FRMPD2: variants seen among roughly 807,000 people sequenced by gnomAD.
FRMPD2 encodes FERM and PDZ domain containing 2, also known as FERM and PDZ domain-containing protein 2.
In FRMPD2, 96 loss-of-function variants were observed where a neutral mutation model predicts 140.1. The ratio of observed to expected loss-of-function variants is 0.69; its 90% CI spans 0.58 to 0.81. The LOEUF is 0.81. Ranked by LOEUF, FRMPD2 falls within the 40% of genes least tolerant of loss-of-function variation. FRMPD2 has a pLI of 0.00. For synonymous variants in FRMPD2, 449 were observed against 547.6 expected (o/e 0.82, Z 2.52); for missense variants, 1,240 against 1,447.4 (o/e 0.86, Z 2.32).
At chr10:48,222,602 T>C in intron 11 of FRMPD2, 151 bp from the exon 12 acceptor site, 2 of 777,108 alleles carry the variant, frequency 2.6e-6, no homozygotes, top group Non-Finnish European at 4.1e-6. Flanking sequence ...GCAAGACAAG[T>C]GTGGTCTCCT....
At chr10:48,208,802 C>T (rs776839743) in intron 13 of FRMPD2, among the ~76,000 whole-genome samples, 4 of 152,302 alleles carry the variant, frequency 2.6e-5, no homozygotes, top group Middle Eastern at 3.4e-3. Flanking sequence ...GGCCATCTTA[C>T]TACAAGGCCT....
At position 48,252,860 on chromosome 10, in the gene FRMPD2, T is replaced by TCTATTTCTTTTCTTTTTTCTTTC. The variant is rs376244197; in HGVS notation, c.26-1192_26-1170dup. On this transcript the variant is annotated intron_variant, in intron 1 of 28. Transcript: ENST00000374201. Reference sequence around the variant, plus strand: ...CTCCAGGCCCTCTCTCTTTTTCTTTTCTATTTCTTTTCTTTTTTCTTTCCT... The same window carrying TCTATTTCTTTTCTTTTTTCTTTC: ...CTCCAGGCCCTCTCTCTTTTTCTTTTCTATTTCTTTTCTTTTTTCTTTCCTATTTCTTTTCTTTTTTCTTTCCT... Among the ~76,000 whole-genome samples, 994 of 152,276 alleles carry TCTATTTCTTTTCTTTTTTCTTTC rather than the reference T, an allele frequency of 6.5e-3. 10 individuals are homozygous for TCTATTTCTTTTCTTTTTTCTTTC. Among genetic ancestry groups the TCTATTTCTTTTCTTTTTTCTTTC allele is most frequent in the African/African-American group, 0.022 (922 of 41,508 alleles).
chr10:48,213,520 T>G (rs1839377808), intron 12 of FRMPD2, among the ~76,000 whole-genome samples: 1 of 152,236 alleles, frequency 6.6e-6, no homozygotes. Flanking sequence ...CACAAAAACC[T>G]GCACACAGAT....
At chr10:48,233,900 A>C (rs1360138282) in intron 9 of FRMPD2, among the ~76,000 whole-genome samples, 1 of 152,160 alleles carries the variant, frequency 6.6e-6, no homozygotes, top group Non-Finnish European at 1.5e-5. Context: ...CCATGCAGGC[A>C]CACGCACCCA....
At position 48,212,047 on chromosome 10, in the gene FRMPD2, C is replaced by T. The variant is rs1839336165; in HGVS notation, c.1518G>A (p.Arg506=). The T allele has an allele frequency of 2.5e-6, 4 of 1,614,128 alleles. No individual in the cohort carries two copies. The Admixed American group carries it at 5.0e-5, about 20-fold the overall frequency. ...EDYIPASLIE[R]MTALRVQVEV... ...CAACCTGGACCCGTAGAGCGGTCATCCTCTCGATCAGACTCGCTGGGATGT... is the reference window on the plus strand; with the variant it reads ...CAACCTGGACCCGTAGAGCGGTCATTCTCTCGATCAGACTCGCTGGGATGT... The change falls in exon 13 of 29, where the codon AGG becomes AGA. Residue 506 remains arginine, a synonymous_variant. Transcript: ENST00000374201.
chr10:48,266,641 T>A (rs79481152), intron 1 of FRMPD2, among the ~76,000 whole-genome samples: 1,664 of 152,344 alleles, frequency 0.011, 33 homozygotes, highest in African/African-American at 0.038. Context: ...GCCCAGACAT[T>A]ACACTCATCC....
intron 1 of FRMPD2, among the ~76,000 whole-genome samples, chr10:48,256,039 A>C (rs1379206865): frequency 1.3e-5 from 2 of 152,340 alleles, no homozygotes; most frequent in East Asian, 1.9e-4. Context: ...GAGCACGTGC[A>C]ACCCACACTG....
chr10:48,231,712 G>C (rs938888579), intron 10 of FRMPD2, among the ~76,000 whole-genome samples: 3 of 152,204 alleles, frequency 2.0e-5, no homozygotes, highest in African/African-American at 7.2e-5. Flanking sequence ...GTCAGAGAGG[G>C]AAGAGGGTAT....
At chr10:48,227,247 C>CTGTCTTCTG (rs1839744951) in intron 10 of FRMPD2, among the ~76,000 whole-genome samples, 1 of 152,126 alleles carries the variant, frequency 6.6e-6, no homozygotes, top group Non-Finnish European at 1.5e-5. Context: ...TTTTTAATCT[C>CTGTCTTCTG]TGTCTTCTGT....
intron 4 of FRMPD2, among the ~76,000 whole-genome samples, chr10:48,243,557 C>T (rs959121971): frequency 6.6e-6 from 1 of 152,194 alleles, no homozygotes; most frequent in African/African-American, 2.4e-5. Context: ...GTCACACACT[C>T]AGGACACACA....
rs150473115 is a variant in FRMPD2 at position 48,170,466 on chromosome 10, T to A, written c.3438+528A>T. On this transcript the variant is annotated intron_variant, in intron 26 of 28. Coordinates refer to ENST00000374201, the MANE Select transcript of FRMPD2 (RefSeq NM_001018071.4). ...TAGCCCTAGGCCACAACATGCTCCC[T>A]TGAGCTTCCTAACAACCTGCCCACA... 8.2e-3 allele frequency among the ~76,000 whole-genome samples: 1,252 copies of A among 152,246 alleles called. 14 individuals carry two copies. The highest frequency in any genetic ancestry group is 0.028 in the African/African-American group (1,163 of 41,532).
chr10:48,180,593 CCTT>C (rs1230602441), intron 21 of FRMPD2, among the ~76,000 whole-genome samples: 1 of 151,954 alleles, frequency 6.6e-6, no homozygotes, highest in African/African-American at 2.4e-5. Context: ...TAGAACTCTG[CCTT>C]CTTCTATGCG....
chr10:48,172,841 T>A (rs1588803522), intron 25 of FRMPD2, 105 bp downstream of exon 25: 1 of 840,270 alleles, frequency 1.2e-6, no homozygotes, highest in East Asian at 2.4e-5. Context: ...CGCTTTCTTT[T>A]CAGGACCCAG....
chr10:48,237,900 G>C (rs532205938), intron 8 of FRMPD2, 91 bp downstream of exon 8: 1 of 1,472,372 alleles, frequency 6.8e-7, no homozygotes, highest in South Asian at 1.1e-5. Flanking sequence ...TCCCCTAGAA[G>C]ACCCTGCCCA....
chr10:48,213,072 C>T (rs1839368669), intron 12 of FRMPD2, among the ~76,000 whole-genome samples: 2 of 152,146 alleles, frequency 1.3e-5, no homozygotes, highest in South Asian at 4.1e-4. Context: ...AGAATCTGGC[C>T]TCACTGGGGC....
intron 10 of FRMPD2, among the ~76,000 whole-genome samples, chr10:48,225,341 T>G (rs1365705858): frequency 6.6e-6 from 1 of 152,134 alleles, no homozygotes; most frequent in Non-Finnish European, 1.5e-5. Flanking sequence ...ACAGGAAATG[T>G]TTTCCATTCT....
intron 28 of FRMPD2, among the ~76,000 whole-genome samples, chr10:48,158,037 A>C (rs1588794006): frequency 1.4e-5 from 2 of 142,418 alleles, no homozygotes; most frequent in African/African-American, 2.7e-5. Flanking sequence ...TCCACACCTC[A>C]CCTCCCACCC....
intron 1 of FRMPD2, among the ~76,000 whole-genome samples, chr10:48,258,446 A>G (rs527278677): frequency 1.6e-3 from 247 of 152,282 alleles, no homozygotes; most frequent in African/African-American, 5.7e-3. Context: ...TGGCTACAGC[A>G]CTGACACAGT....
chr10:48,220,198 C>T (rs1227089656), intron 12 of FRMPD2, among the ~76,000 whole-genome samples: 1 of 152,142 alleles, frequency 6.6e-6, no homozygotes, highest in Non-Finnish European at 1.5e-5. Flanking sequence ...CACCATAAGG[C>T]CATAGTCACC....
Sources: allele counts gnomAD v4.1 joint callset (sites outside exome capture counted in the v4.1 genomes callset), GRCh38; gene constraint gnomAD v4.1.1; transcripts MANE v1.5; gene names NCBI Gene and HGNC (gene_info 2026-07-23, HGNC 2026-07-21).